The following TCEA1 variants were observed in gnomAD, a reference collection of about 807,000 sequenced individuals.
TCEA1 encodes transcription elongation factor A1.
In TCEA1, 21 loss-of-function variants were observed where a neutral mutation model predicts 43.8. The ratio of observed to expected loss-of-function variants is 0.48; its 90% CI spans 0.34 to 0.69. The LOEUF is 0.69. Among genes scored for constraint, TCEA1 ranks in the 30% least tolerant of loss-of-function variants. The pLI is 0.01. For missense variants in TCEA1, 250 were observed against 365.1 expected (o/e 0.68, Z 2.57); for synonymous variants, 104 against 117.5 (o/e 0.88, Z 0.75).
intron 2 of TCEA1, among the ~76,000 whole-genome samples, chr8:54,008,851 T>G (rs1213786916): frequency 1.3e-5 from 2 of 149,806 alleles, no homozygotes; most frequent in African/African-American, 4.9e-5. Flanking sequence ...ATTTATTTAT[T>G]TATTTTTTTT....
At chr8:53,981,965 A>G (rs1340708125) in intron 7 of TCEA1, among the ~76,000 whole-genome samples, 1 of 131,192 alleles carries the variant, frequency 7.6e-6, no homozygotes, top group Non-Finnish European at 1.6e-5. Context: ...GGAACTTGCT[A>G]TGTTGCCCGG....
At chr8:54,010,815 C>CTTT (rs574178749) in intron 1 of TCEA1, among the ~76,000 whole-genome samples, 1 of 146,440 alleles carries the variant, frequency 6.8e-6, no homozygotes, top group Admixed American at 6.9e-5. Context: ...TTTATTATAA[C>CTTT]TTTTTTTTTT....
chr8:53,997,708 T>A (rs142772473), intron 3 of TCEA1, among the ~76,000 whole-genome samples: 6 of 152,174 alleles, frequency 3.9e-5, no homozygotes, highest in African/African-American at 1.4e-4. Context: ...AGACCAGCCT[T>A]AGCAACATAG....
intron 3 of TCEA1, among the ~76,000 whole-genome samples, chr8:53,997,371 G>T (rs776941249): frequency 6.6e-6 from 1 of 152,170 alleles, no homozygotes; most frequent in Non-Finnish European, 1.5e-5. Context: ...GTGTAAGACA[G>T]TTTCAGGATC....
intron 8 of TCEA1, among the ~76,000 whole-genome samples, chr8:53,975,891 T>A (rs1585989767): frequency 6.6e-6 from 1 of 152,184 alleles, no homozygotes; most frequent in African/African-American, 2.4e-5. Flanking sequence ...AGGTTACATA[T>A]AAATTCTACC....
At chr8:53,973,469 A>G (rs1803229637) in intron 8 of TCEA1, 1 of 498,256 alleles carries the variant, frequency 2.0e-6, no homozygotes, top group African/African-American at 2.0e-5. Flanking sequence ...ACTTTGCTAA[A>G]GAAGTTTAAA....
intron 1 of TCEA1, among the ~76,000 whole-genome samples, chr8:54,017,621 T>TA (rs1804875971): frequency 2.0e-5 from 3 of 152,090 alleles, no homozygotes; most frequent in Admixed American, 2.0e-4. Flanking sequence ...CCCATCTCTA[T>TA]AAAAAATACC....
At chr8:54,010,765 C>T (rs907399568) in intron 1 of TCEA1, among the ~76,000 whole-genome samples, 3 of 151,738 alleles carry the variant, frequency 2.0e-5, no homozygotes, top group Non-Finnish European at 2.9e-5. Flanking sequence ...TCTTTGTATA[C>T]CATCAATAAA....
intron 3 of TCEA1, 41 bp downstream of exon 3, chr8:53,999,904 T>C: frequency 7.7e-7 from 1 of 1,300,994 alleles, no homozygotes. Context: ...TTTGAATAAA[T>C]CACAACATCA....
chr8:54,003,063 G>C, intron 2 of TCEA1: 1 of 456,222 alleles, frequency 2.2e-6, no homozygotes, highest in Non-Finnish European at 4.4e-6. Flanking sequence ...ATGAGTTTTT[G>C]CCAAGATGAT....
intron 1 of TCEA1, among the ~76,000 whole-genome samples, chr8:54,020,209 TC>T (rs1586045821): frequency 6.6e-6 from 1 of 152,196 alleles, no homozygotes; most frequent in Non-Finnish European, 1.5e-5. Flanking sequence ...TGGCTTTTTT[TC>T]CCTGGGAGCT....
At chr8:54,013,697 A>AC (rs1563517403) in intron 1 of TCEA1, among the ~76,000 whole-genome samples, 1 of 148,504 alleles carries the variant, frequency 6.7e-6, no homozygotes, top group Admixed American at 6.6e-5. Context: ...AAAAAAAAAA[A>AC]AAAAACAAAA....
At chr8:53,972,983 A>T in intron 8 of TCEA1, 1 of 667,384 alleles carries the variant, frequency 1.5e-6, no homozygotes, top group Non-Finnish European at 2.8e-6. Context: ...TCAATGGTGG[A>T]AATCACTTGG....
chr8:54,005,921 C>G (rs1283071287), intron 2 of TCEA1, among the ~76,000 whole-genome samples: 3 of 152,148 alleles, frequency 2.0e-5, no homozygotes, highest in African/African-American at 7.2e-5. Context: ...ATGCAACTAG[C>G]TCTTCCCATG....
Position 53,984,860 on chromosome 8 carries a change from C to T in TCEA1, c.524-343G>A, listed in dbSNP as rs559539248. ...TCAGGTCACTACACTCCAGCCTGGG[C>T]GACAGAGGGACACTCCATCTTAAAA... On this transcript the variant is annotated intron_variant, in intron 6 of 9. Transcript: ENST00000521604. Among the ~76,000 whole-genome samples the T allele has an allele frequency of 4.3e-3, 644 of 151,294 alleles. 4 individuals carry two copies. Among genetic ancestry groups the T allele is most frequent in the African/African-American group, 0.015 (611 of 41,242 alleles).
intron 9 of TCEA1, among the ~76,000 whole-genome samples, chr8:53,968,719 C>G (rs1803064488): frequency 6.6e-6 from 1 of 151,842 alleles, no homozygotes; most frequent in South Asian, 2.1e-4. Flanking sequence ...GTCCCAGGTA[C>G]TCGGAAGGCT....
chr8:53,978,978 T>G lies in TCEA1; in HGVS notation c.825+47A>C, dbSNP rs1481018947. 3 of 1,549,842 alleles carry G rather than the reference T, an allele frequency of 1.9e-6. No individual in the cohort carries two copies. In the East Asian group the frequency reaches 7.0e-5, roughly 36 times the overall value. ...TTGCTATTTATTTTAAAACAGGAGTTGCAAGCATTTTTATATAAAAATAAG... is the reference window on the plus strand; with the variant it reads ...TTGCTATTTATTTTAAAACAGGAGTGGCAAGCATTTTTATATAAAAATAAG... On this transcript the variant is annotated intron_variant, in intron 8 of 9. Coordinates refer to ENST00000521604, the MANE Select transcript of TCEA1 (RefSeq NM_006756.4).
At chr8:54,000,430 C>T (rs6473900) in intron 2 of TCEA1, among the ~76,000 whole-genome samples, 57,715 of 152,000 alleles carry the variant, frequency 0.38, 15,694 homozygotes, top group East Asian at 0.74. Context: ...CTATACATTC[C>T]TCTACATGGA....
In TCEA1 at chr8:54,002,890, A is replaced by G. The variant is rs1447509672; in HGVS notation, c.127-2840T>C. 1.3e-5 allele frequency: 6 copies of G among 456,298 alleles called. No homozygotes were observed. In the Admixed American group the frequency reaches 1.4e-4, roughly 11 times the overall value. The allele number at this position is 456,298 out of a possible 1,614,324, so 28.3% of individuals were successfully genotyped here. The stretch of plus-strand genomic sequence containing the variant: ...TCAGGTATACAGAAAGAAAGACATT[A>G]CCTTGGAAAGGTGGAGAGTGCATTA... On this transcript the variant is annotated intron_variant, in intron 2 of 9. Coordinates refer to ENST00000521604, the MANE Select transcript of TCEA1 (RefSeq NM_006756.4).
Sources: allele counts gnomAD v4.1 joint callset (sites outside exome capture counted in the v4.1 genomes callset), GRCh38; gene constraint gnomAD v4.1.1; transcripts MANE v1.5; gene names NCBI Gene and HGNC (gene_info 2026-07-23, HGNC 2026-07-21).